GRIN2B: variants seen among roughly 807,000 people sequenced by gnomAD.
The protein encoded by GRIN2B is glutamate ionotropic receptor NMDA type subunit 2B, also known as glutamate receptor ionotropic, NMDA 2B.
In GRIN2B, 5 loss-of-function variants were observed where a neutral mutation model predicts 114.5. The ratio of observed to expected loss-of-function variants is 0.04; its 90% CI spans 0.02 to 0.09. The LOEUF (loss-of-function observed/expected upper bound fraction) is 0.09. Ranked by LOEUF, GRIN2B falls within the 10% of genes least tolerant of loss-of-function variation. The pLI, the probability that GRIN2B is intolerant of heterozygous loss-of-function variation, is 1.00. For synonymous variants in GRIN2B, 787 were observed against 745.1 expected, an observed-to-expected ratio of 1.06 and a Z score of -0.92; for missense variants, 1,108 against 1,943.5, an observed-to-expected ratio of 0.57 and a Z score of 8.08.
rs565889855 is a variant in GRIN2B at position 13,954,580 on chromosome 12, C to T, written c.-19+25348G>A. Among the ~76,000 whole-genome samples the T allele has an allele frequency of 2.0e-4, 31 of 151,864 alleles. No homozygotes were observed. The South Asian group carries it at 3.8e-3, about 18-fold the overall frequency. ...ATCCCAGCACTTTGGGAGGCCGAGGCGGGTGGATCACTTGAGGTCAGGAGT... is the reference window on the plus strand; with the variant it reads ...ATCCCAGCACTTTGGGAGGCCGAGGTGGGTGGATCACTTGAGGTCAGGAGT... On this transcript the variant is annotated intron_variant, in intron 2 of 13. Coordinates refer to ENST00000609686, the MANE Select transcript of GRIN2B (RefSeq NM_000834.5).
chr12:13,821,209 T>C (rs1018710668), intron 3 of GRIN2B, among the ~76,000 whole-genome samples: 7 of 152,116 alleles, frequency 4.6e-5, no homozygotes, highest in Admixed American at 1.3e-4. Flanking sequence ...TCAAGTATTT[T>C]TCAGGGACCA....
At chr12:13,638,092 T>C (rs1363155258) in intron 5 of GRIN2B, among the ~76,000 whole-genome samples, 1 of 152,166 alleles carries the variant, frequency 6.6e-6, no homozygotes, top group Non-Finnish European at 1.5e-5. Flanking sequence ...GTGAGAGTTA[T>C]GTACTCCTTG....
At chr12:13,698,439 T>C (rs900966395) in intron 4 of GRIN2B, among the ~76,000 whole-genome samples, 2 of 152,324 alleles carry the variant, frequency 1.3e-5, no homozygotes, top group East Asian at 1.9e-4. Context: ...TACGATAAAA[T>C]GACTTGTGTC....
rs547955219 is a variant in GRIN2B, at chr12:13,943,661, C to T, written c.-19+36267G>A. Among the ~76,000 whole-genome samples the T allele has an allele frequency of 3.9e-4, 59 of 152,274 alleles. No homozygotes were observed. The South Asian group carries it at 8.1e-3, about 21-fold the overall frequency. Reference sequence around the variant, plus strand: ...TATTTGTTGTTTCCTCAGCCTGGGACGCTCTCATCCCAAAGAACTACATTC... The same window carrying T: ...TATTTGTTGTTTCCTCAGCCTGGGATGCTCTCATCCCAAAGAACTACATTC... On this transcript the variant is annotated intron_variant, in intron 2 of 13. Transcript: ENST00000609686.
At chr12:13,931,378 T>C (rs1036727435) in intron 2 of GRIN2B, among the ~76,000 whole-genome samples, 3 of 152,236 alleles carry the variant, frequency 2.0e-5, no homozygotes, top group Non-Finnish European at 2.9e-5. Context: ...ATTCCTTTTC[T>C]AGGTTCAATA....
chr12:13,976,820 G>A (rs2136878369), intron 2 of GRIN2B, among the ~76,000 whole-genome samples: 1 of 152,090 alleles, frequency 6.6e-6, no homozygotes, highest in East Asian at 1.9e-4. Context: ...ATTCATGGAG[G>A]AACTGGAAGA....
At chr12:13,885,494 T>G (rs1369817502) in intron 2 of GRIN2B, among the ~76,000 whole-genome samples, 2 of 152,178 alleles carry the variant, frequency 1.3e-5, no homozygotes, top group East Asian at 3.9e-4. Flanking sequence ...GATTTCACTC[T>G]TTCATCTTTC....
chr12:13,901,723 A>C (rs1265486221), intron 2 of GRIN2B, among the ~76,000 whole-genome samples: 1 of 152,078 alleles, frequency 6.6e-6, no homozygotes, highest in Non-Finnish European at 1.5e-5. Context: ...CAAATAAAAG[A>C]CTTTAAGTTT....
At chr12:13,863,590 G>C (rs929304305) in intron 3 of GRIN2B, among the ~76,000 whole-genome samples, 1 of 152,192 alleles carries the variant, frequency 6.6e-6, no homozygotes, top group South Asian at 2.1e-4. Context: ...AACTGGTTAA[G>C]AGTATTAAAT....
chr12:13,836,777 A>C (rs1029098313), intron 3 of GRIN2B, among the ~76,000 whole-genome samples: 1 of 151,864 alleles, frequency 6.6e-6, no homozygotes, highest in African/African-American at 2.4e-5. Flanking sequence ...CAGCTCCAGC[A>C]GGTGAGGGCC....
At chr12:13,795,826 A>C (rs220562) in intron 3 of GRIN2B, among the ~76,000 whole-genome samples, 62,379 of 151,836 alleles carry the variant, frequency 0.41, 13,303 homozygotes, top group East Asian at 0.55. Context: ...GCAAACTATC[A>C]CAAGGACAGA....
At chr12:13,696,895 G>A (rs1161548907) in intron 4 of GRIN2B, among the ~76,000 whole-genome samples, 1 of 152,120 alleles carries the variant, frequency 6.6e-6, no homozygotes, top group Non-Finnish European at 1.5e-5. Context: ...CCTTTGCAGA[G>A]CTCCTACCAT....
intron 3 of GRIN2B, among the ~76,000 whole-genome samples, chr12:13,800,753 C>T (rs1474230195): frequency 6.6e-6 from 1 of 152,116 alleles, no homozygotes; most frequent in Non-Finnish European, 1.5e-5. Flanking sequence ...AACACATTTA[C>T]TATGAATGTA....
At position 13,694,656 on chromosome 12, in the gene GRIN2B, C is replaced by CATATAT. The variant is rs67570541; in HGVS notation, c.1011-18803_1011-18798dup. Among the ~76,000 whole-genome samples, 134 of 71,290 alleles carry CATATAT rather than the reference C, an allele frequency of 1.9e-3. 2 individuals carry two copies. Among genetic ancestry groups the CATATAT allele is most frequent in the Admixed American group, 3.0e-3 (18 of 5,940 alleles). The allele number at this position is 71,290 out of a possible 152,430, so 46.8% of individuals were successfully genotyped here. ...CCCAGTCTATTGTGCAAGAAAATGT[C>CATATAT]ATATATATATATATATATATATATA... On this transcript the variant is annotated intron_variant, in intron 4 of 13. Transcript: ENST00000609686.
intron 3 of GRIN2B, among the ~76,000 whole-genome samples, chr12:13,855,074 C>T (rs2136732761): frequency 1.2e-5 from 1 of 81,962 alleles, no homozygotes; most frequent in South Asian, 3.6e-4. Context: ...AAAAAATTGC[C>T]TGGCGTGGTG....
intron 4 of GRIN2B, among the ~76,000 whole-genome samples, chr12:13,676,729 C>A (rs955547429): frequency 6.6e-6 from 1 of 152,112 alleles, no homozygotes; most frequent in African/African-American, 2.4e-5. Flanking sequence ...TACTCTTTAA[C>A]TCTTGCTAAG....
intron 4 of GRIN2B, among the ~76,000 whole-genome samples, chr12:13,746,329 G>A (rs1410282665): frequency 1.3e-5 from 2 of 152,074 alleles, no homozygotes; most frequent in Non-Finnish European, 1.5e-5. Flanking sequence ...CCTATGACCC[G>A]CTTTTTAACC....
chr12:13,978,494 A>G, intron 2 of GRIN2B, among the ~76,000 whole-genome samples: 1 of 152,188 alleles, frequency 6.6e-6, no homozygotes, highest in East Asian at 1.9e-4. Context: ...ATGAAGAACT[A>G]TCATCTACTG....
intron 10 of GRIN2B, among the ~76,000 whole-genome samples, chr12:13,593,313 A>G (rs1203049763): frequency 6.6e-6 from 1 of 152,228 alleles, no homozygotes; most frequent in Non-Finnish European, 1.5e-5. Context: ...GCCTACAGTA[A>G]CAAAAACAGC....
Sources: allele counts gnomAD v4.1 joint callset (sites outside exome capture counted in the v4.1 genomes callset), GRCh38; gene constraint gnomAD v4.1.1; transcripts MANE v1.5; gene names NCBI Gene and HGNC (gene_info 2026-07-23, HGNC 2026-07-21).